The following ZCCHC12 variants were observed in gnomAD, a reference collection of about 807,000 sequenced individuals.
The protein encoded by ZCCHC12 is zinc finger CCHC domain-containing protein 12.
For missense variants in ZCCHC12, 317 were observed against 323.4 expected (o/e 0.98, Z 0.15); for synonymous variants, 128 against 123.2 (o/e 1.04, Z -0.26).
At position 118,825,511 on chromosome X, in the gene ZCCHC12, C is replaced by T; in HGVS notation, c.267C>T (p.Thr89=). ...EEEKLKRLMK[T]LRGPAREVMR... ...AAAAGCTCAAGCGCTTGATGAAAAC[C>T]CTTAGGGGCCCTGCCCGCGAGGTCA... The change falls in exon 4 of 4, where the codon ACC becomes ACT. Residue 89 remains threonine (T), a synonymous_variant. Coordinates refer to ENST00000310164, the MANE Select transcript of ZCCHC12 (RefSeq NM_173798.4). The T allele has an allele frequency of 1.7e-6, 2 of 1,211,784 alleles. No homozygotes were observed. The highest frequency in any genetic ancestry group is 2.2e-6 in the Non-Finnish European group (2 of 895,529).
At position 118,826,208 on chromosome X, in the gene ZCCHC12, A is replaced by G. The variant is rs1569463286; in HGVS notation, c.964A>G (p.Ser322Gly). 8.3e-7 allele frequency: 1 copy of G among 1,211,495 alleles called. No homozygotes were observed. The highest frequency in any genetic ancestry group is 1.1e-6 in the Non-Finnish European group (1 of 895,457). ...TTCCAGGGCTCAGTTTCCTTCCACC[A>G]GTGGTGGTTCTGGCTATAAGAATAA... The part of the protein sequence containing the change: ...HNSRAQFPST[S>G]GGSGYKNNGP... Residue 322 changes from serine to glycine, a missense_variant, in exon 4 of 4, where the codon AGT becomes GGT. Physicochemically the swap from Ser to Gly is moderately conservative, Grantham distance 56. Coordinates refer to ENST00000310164, the MANE Select transcript of ZCCHC12 (RefSeq NM_173798.4).
chrX:118,824,265 G>T (rs1316743889), intron 1 of ZCCHC12, 74 bp from the exon 2 acceptor site: 2 of 111,354 alleles, frequency 1.8e-5, no homozygotes. Context: ...AACATCCTTT[G>T]CATCTCCTCA....
chrX:118,825,295 C>G lies in ZCCHC12; in HGVS notation c.51C>G (p.Pro17=). The G allele has an allele frequency of 8.3e-7, 1 of 1,211,885 alleles. No homozygotes were observed. The highest frequency in any genetic ancestry group is 1.1e-6 in the Non-Finnish European group (1 of 895,476). ...GTAACAGCCGGCGGCTGAATGCACC[C>G]TTGCCGCCTTGGGCCCATTCCATGC... ...RVGNSRRLNA[P]LPPWAHSMLR... The change falls in exon 4 of 4, where the codon CCC becomes CCG. Residue 17 remains proline, a synonymous_variant. Transcript: ENST00000310164.
rs1399327773 is a variant in ZCCHC12 at position 118,825,759 on chromosome X, G to A, written c.515G>A (p.Arg172Gln). The change falls in exon 4 of 4, where the codon CGG (arginine) becomes CAG (glutamine). Residue 172 changes from arginine to glutamine, a missense_variant. Transcript: ENST00000310164. ...ATTATAGCTGAGAAAGATGCAAACC[G>A]GACTCGCTTGCAGCAGCTCCTTTTA... ...AGIIAEKDANRTRLQQLLLGG... is the reference protein window; with the variant it reads ...AGIIAEKDANQTRLQQLLLGG... 5.8e-6 allele frequency: 7 copies of A among 1,209,924 alleles called. No homozygotes were observed. Among genetic ancestry groups the A allele is most frequent in the African/African-American group, 3.5e-5 (2 of 57,103 alleles).
At chrX:118,824,977 C>G (rs1034611060) in intron 3 of ZCCHC12, among the ~76,000 whole-genome samples, 154 bp from the exon 4 acceptor site, 4 of 111,459 alleles carry the variant, frequency 3.6e-5, no homozygotes, top group Admixed American at 9.6e-5. Flanking sequence ...ACGCAGGCAT[C>G]GGGTAGCTCT....
intron 3 of ZCCHC12, 54 bp from the exon 4 acceptor site, chrX:118,825,077 G>C (rs1409318173): frequency 5.4e-6 from 3 of 556,588 alleles, no homozygotes; most frequent in Non-Finnish European, 8.8e-6. Flanking sequence ...GGTAGGAAGA[G>C]AATGCAGCTG....
At position 118,826,665 on chromosome X, in the gene ZCCHC12, G is replaced by A. The variant is rs895709699; in HGVS notation, c.*212G>A. 6 of 468,580 alleles carry A rather than the reference G, an allele frequency of 1.3e-5. No homozygotes were observed. Among genetic ancestry groups the A allele is most frequent in the African/African-American group, 9.8e-5 (4 of 40,774 alleles). The allele number at this position is 468,580 out of a possible 1,213,427, so 38.6% of individuals were successfully genotyped here. On this transcript the variant is annotated 3_prime_UTR_variant, in exon 4 of 4. Coordinates refer to ENST00000310164, the MANE Select transcript of ZCCHC12 (RefSeq NM_173798.4). The stretch of plus-strand genomic sequence containing the variant: ...CTTGCTCCTTCTCCCTGCAGCCTAC[G>A]GGTCTGTTTTCTGTGTGTGCCCATT...
chrX:118,824,099 T>A (rs1263603522), intron 1 of ZCCHC12, 94 bp downstream of exon 1: 1 of 108,203 alleles, frequency 9.2e-6, no homozygotes, highest in Non-Finnish European at 1.9e-5. Context: ...TCGGTGACTG[T>A]GAGGCAGGGG....
rs1447328596 is a variant in ZCCHC12, at chrX:118,825,221, T to G, written c.-24T>G. The stretch of plus-strand genomic sequence containing the variant: ...AAAAAGCCTAGGCATCTTCTTATAT[T>G]CAGATACCCTATCGTCGTCAGTCAT... On this transcript the variant is annotated 5_prime_UTR_variant, in exon 4 of 4. The change creates a new upstream start codon in the 5' untranslated region. Coordinates refer to ENST00000310164, the MANE Select transcript of ZCCHC12 (RefSeq NM_173798.4). 1 of 1,211,526 alleles carries G rather than the reference T, an allele frequency of 8.3e-7. No individual in the cohort carries two copies. The highest frequency in any genetic ancestry group is 1.1e-6 in the Non-Finnish European group (1 of 895,336).
chrX:118,825,112 C>A lies in ZCCHC12; in HGVS notation c.-114-19C>A. On this transcript the variant is annotated intron_variant, in intron 3 of 3. Coordinates refer to ENST00000310164, the MANE Select transcript of ZCCHC12 (RefSeq NM_173798.4). ...GCAGCCCGCTCCCTTATTAACCAGC[C>A]CCCCTTTCTTTTTTACAGCCCCTGC... 1.2e-6 allele frequency: 1 copy of A among 848,126 alleles called. No individual in the cohort carries two copies. The highest frequency in any genetic ancestry group is 1.7e-6 in the Non-Finnish European group (1 of 581,251). The allele number at this position is 848,126 out of a possible 1,213,427, so 69.9% of individuals were successfully genotyped here.
In ZCCHC12 at chrX:118,825,771, A is replaced by G; in HGVS notation, c.527A>G (p.Gln176Arg). ...AAAGATGCAAACCGGACTCGCTTGC[A>G]GCAGCTCCTTTTAGGCGGTGAGCTG... ...AEKDANRTRL[Q>R]QLLLGGELSR... Residue 176 changes from glutamine to arginine, a missense_variant, in exon 4 of 4, where the codon CAG becomes CGG. Physicochemically the swap from Gln to Arg is conservative, Grantham distance 43 (BLOSUM62 1). Coordinates refer to ENST00000310164, the MANE Select transcript of ZCCHC12 (RefSeq NM_173798.4). 1 of 1,212,030 alleles carries G rather than the reference A, an allele frequency of 8.3e-7. No individual in the cohort carries two copies. Among genetic ancestry groups the G allele is most frequent in the Non-Finnish European group, 1.1e-6 (1 of 895,609 alleles).
At position 118,826,505 on chromosome X, in the gene ZCCHC12, G is replaced by C. The variant is rs773207958; in HGVS notation, c.*52G>C. 2 of 1,157,810 alleles carry C rather than the reference G, an allele frequency of 1.7e-6. No individual in the cohort carries two copies. Among genetic ancestry groups the C allele is most frequent in the Non-Finnish European group, 2.3e-6 (2 of 857,238 alleles). On this transcript the variant is annotated 3_prime_UTR_variant, in exon 4 of 4. Transcript: ENST00000310164. ...CCTTACCTATATTCAGCATCCAGTA[G>C]TGGGAAAACTGGGGTGGGGGTGGGG...
In ZCCHC12 at chrX:118,826,187, A is replaced by G. The variant is rs1603229124; in HGVS notation, c.943A>G (p.Arg315Gly). The G allele has an allele frequency of 8.3e-7, 1 of 1,211,794 alleles. No individual in the cohort carries two copies. Among genetic ancestry groups the G allele is most frequent in the Non-Finnish European group, 1.1e-6 (1 of 895,537 alleles). ...VLVIDSPHNS[R>G]AQFPSTSGGS... is the part of the protein sequence containing the mutation. ...GGTCATTGATTCCCCCCACAATTCCAGGGCTCAGTTTCCTTCCACCAGTGG... is the reference window on the plus strand; with the variant it reads ...GGTCATTGATTCCCCCCACAATTCCGGGGCTCAGTTTCCTTCCACCAGTGG... Residue 315 changes from arginine (R) to glycine (G), a missense_variant, in exon 4 of 4, where the codon AGG becomes GGG. Coordinates refer to ENST00000310164, the MANE Select transcript of ZCCHC12 (RefSeq NM_173798.4).
At position 118,825,280 on chromosome X, in the gene ZCCHC12, G is replaced by A. The variant is rs2018237603; in HGVS notation, c.36G>A (p.Arg12=). Reference sequence around the variant, plus strand: ...TCATTGCACGTGTCGGTAACAGCCGGCGGCTGAATGCACCCTTGCCGCCTT... The same window carrying A: ...TCATTGCACGTGTCGGTAACAGCCGACGGCTGAATGCACCCTTGCCGCCTT... ...ASIIARVGNS[R]RLNAPLPPWA... is the part of the protein sequence containing the mutation. The change falls in exon 4 of 4, where the codon CGG becomes CGA. Residue 12 remains arginine, a synonymous_variant. Coordinates refer to ENST00000310164, the MANE Select transcript of ZCCHC12 (RefSeq NM_173798.4). The A allele has an allele frequency of 8.3e-7, 1 of 1,210,078 alleles. No homozygotes were observed. Among genetic ancestry groups the A allele is most frequent in the African/African-American group, 1.7e-5 (1 of 57,172 alleles).
intron 3 of ZCCHC12, 47 bp downstream of exon 3, chrX:118,824,760 T>G: frequency 8.5e-6 from 1 of 117,293 alleles, no homozygotes; most frequent in Non-Finnish European, 1.8e-5. Context: ...GGGGGCACTT[T>G]GAGAAGGGGG....
In ZCCHC12 at chrX:118,825,683, C is replaced by T. The variant is rs756497198; in HGVS notation, c.439C>T (p.Leu147Phe). 1.7e-6 allele frequency: 2 copies of T among 1,211,745 alleles called. No individual in the cohort carries two copies. The highest frequency in any genetic ancestry group is 3.0e-5 in the East Asian group (1 of 33,829). ...TLQAQGEKASLYVIRLEVQLQ... is the reference protein window; with the variant it reads ...TLQAQGEKASFYVIRLEVQLQ... The stretch of plus-strand genomic sequence containing the variant: ...ACAAGCTCAAGGGGAGAAAGCCTCC[C>T]TTTATGTGATCCGTTTAGAGGTGCA... Residue 147 changes from leucine to phenylalanine, a missense_variant, in exon 4 of 4, where the codon CTT (leucine) becomes TTT (phenylalanine). Physicochemically the swap from Leu to Phe is conservative, Grantham distance 22 (BLOSUM62 0). Transcript: ENST00000310164.
Position 118,826,179 on chromosome X carries a change from A to C in ZCCHC12, c.935A>C (p.His312Pro). The C allele has an allele frequency of 8.3e-7, 1 of 1,211,683 alleles. No individual in the cohort carries two copies. Among genetic ancestry groups the C allele is most frequent in the South Asian group, 1.8e-5 (1 of 56,955 alleles). ...GAAGTGCTGGTCATTGATTCCCCCC[A>C]CAATTCCAGGGCTCAGTTTCCTTCC... ...QDEVLVIDSP[H>P]NSRAQFPSTS... is the part of the protein sequence containing the mutation. The change falls in exon 4 of 4, where the codon CAC becomes CCC. Residue 312 changes from histidine (H) to proline (P), a missense_variant. Physicochemically the swap from His to Pro is moderately conservative, Grantham distance 77 (BLOSUM62 -2). Coordinates refer to ENST00000310164, the MANE Select transcript of ZCCHC12 (RefSeq NM_173798.4).
chrX:118,826,806 A>C lies in ZCCHC12; in HGVS notation c.*353A>C. The C allele has an allele frequency of 3.9e-6, 1 of 258,845 alleles. No individual in the cohort carries two copies. The highest frequency in any genetic ancestry group is 6.2e-5 in the South Asian group (1 of 16,148). The allele number at this position is 258,845 out of a possible 1,213,427, so 21.3% of individuals were successfully genotyped here. On this transcript the variant is annotated 3_prime_UTR_variant, in exon 4 of 4. Coordinates refer to ENST00000310164, the MANE Select transcript of ZCCHC12 (RefSeq NM_173798.4). ...ACCCAAATCTCTCCACCCTTATATAATCATTGTCAACCCTTTGATGAGTGA... is the reference window on the plus strand; with the variant it reads ...ACCCAAATCTCTCCACCCTTATATACTCATTGTCAACCCTTTGATGAGTGA...
In ZCCHC12 at chrX:118,824,387, G is replaced by A. The variant is rs4133590; in HGVS notation, c.-243G>A. On this transcript the variant is annotated 5_prime_UTR_variant, in exon 2 of 4. Coordinates refer to ENST00000310164, the MANE Select transcript of ZCCHC12 (RefSeq NM_173798.4). ...TGAATTCTGTGCAGCTGATTGCAGAGCTGGTAGGCCGACGGCTTCCCGGGG... is the reference window on the plus strand; with the variant it reads ...TGAATTCTGTGCAGCTGATTGCAGAACTGGTAGGCCGACGGCTTCCCGGGG... 5,597 of 108,700 alleles carry A rather than the reference G, an allele frequency of 0.051. 393 individuals carry two copies. The highest frequency in any genetic ancestry group is 0.17 in the African/African-American group (5,134 of 29,444). 9.0% of individuals were successfully genotyped at this position (108,700 alleles called of 1,213,427 possible).
Sources: gnomAD v4.1 joint callset for allele counts (sites outside exome capture counted in the v4.1 genomes callset) on GRCh38, gnomAD v4.1.1 for gene constraint, MANE v1.5 for transcripts, NCBI Gene and HGNC (gene_info 2026-07-23, HGNC 2026-07-21) for gene names.